Variants in MS4A18 observed in about 807,000 individuals in gnomAD.
MS4A18 encodes the protein membrane spanning 4-domains A18.
Under a neutral mutation model 13.1 loss-of-function variants are expected in MS4A18, and 27 were observed. That is an observed-to-expected ratio of 2.06 (90% CI 1.52 to 2.84). The LOEUF (loss-of-function observed/expected upper bound fraction) is 2.84, where lower values mean the gene tolerates loss of function less well. Ranked by LOEUF, MS4A18 falls within the 30% of genes most tolerant of loss-of-function variation. MS4A18 has a pLI of 0.00. For missense variants in MS4A18, 307 were observed against 196.4 expected (o/e 1.56, Z -3.37); for synonymous variants, 126 against 76.5 (o/e 1.65, Z -3.38).
intron 2 of MS4A18, among the ~76,000 whole-genome samples, chr11:60,735,376 C>T (rs1853319940): frequency 6.7e-6 from 1 of 149,532 alleles, no homozygotes; most frequent in East Asian, 2.0e-4. Flanking sequence ...CTCTGTCGCC[C>T]AGGCTGGAGT....
intron 4 of MS4A18, 69 bp from the exon 6 acceptor site, chr11:60,740,961 C>G: frequency 1.4e-6 from 1 of 700,914 alleles, no homozygotes; most frequent in South Asian, 1.5e-5. Flanking sequence ...TGTGGCACTC[C>G]AAATGTGGAC....
chr11:60,741,275 C>G, intron 5 of MS4A18, 132 bp downstream of exon 6: 1 of 669,092 alleles, frequency 1.5e-6, no homozygotes, highest in Non-Finnish European at 2.7e-6. Flanking sequence ...TGCTGCATAG[C>G]TACCTACCCC....
upstream of MS4A18, among the ~76,000 whole-genome samples, chr11:60,725,620 C>T (rs910455921): frequency 2.6e-5 from 4 of 151,562 alleles, no homozygotes; most frequent in Non-Finnish European, 5.9e-5. Flanking sequence ...AAGGAGTCCT[C>T]TGAAAAAAAG....
exon 1 of MS4A18, chr11:60,729,638 A>C (rs373911879): frequency 4.4e-5 from 31 of 702,666 alleles, no homozygotes; most frequent in African/African-American, 4.2e-4. Context: ...ACGAATCTCC[A>C]GACATGGCCT....
chr11:60,743,071 A>T (rs191151059), intron 5 of MS4A18, among the ~76,000 whole-genome samples: 50 of 152,328 alleles, frequency 3.3e-4, no homozygotes, highest in African/African-American at 1.2e-3. Flanking sequence ...CAGCTTCTCC[A>T]GCGCCACCTG....
intron 3 of MS4A18, 114 bp downstream of exon 4, chr11:60,737,148 A>G (rs77809476): frequency 1.5e-6 from 1 of 670,782 alleles, no homozygotes; most frequent in Non-Finnish European, 2.7e-6. Flanking sequence ...CCCTGGGTAC[A>G]GTGCATTTCC....
chr11:60,739,568 C>T (rs1384376236), intron 4 of MS4A18, among the ~76,000 whole-genome samples: 1 of 152,132 alleles, frequency 6.6e-6, no homozygotes, highest in African/African-American at 2.4e-5. Flanking sequence ...CCTGCCGGGG[C>T]CCTGGTAGCC....
chr11:60,725,446 G>A (rs1201925768), upstream of MS4A18, among the ~76,000 whole-genome samples: 5 of 152,014 alleles, frequency 3.3e-5, no homozygotes, highest in Non-Finnish European at 5.9e-5. Context: ...TGCCCGCCTT[G>A]GCCTCCCAAA....
chr11:60,726,898 G>A (rs911568469), upstream of MS4A18, among the ~76,000 whole-genome samples: 2 of 151,812 alleles, frequency 1.3e-5, no homozygotes, highest in African/African-American at 4.8e-5. Flanking sequence ...ACATGCATTA[G>A]GTATTTGTCC....
rs1242633826 is a variant in MS4A18 at position 60,741,119 on chromosome 11, G to A, written c.834G>A (p.Gln278=). The change falls in exon 5 of 6, where the codon CAG becomes CAA. Residue 278 remains glutamine (Q), a synonymous_variant. Transcript: ENST00000529108. ...GTGTGGTCTCACATTTTGGGTGCCA[G>A]GCTACCTGCTGCAGACAATTTGAGG... The A allele has an allele frequency of 8.5e-6, 6 of 702,924 alleles. No individual in the cohort carries two copies. In the African/African-American group the frequency reaches 8.7e-5, roughly 10 times the overall value. 43.5% of individuals were successfully genotyped at this position (702,924 alleles called of 1,614,324 possible).
intron 5 of MS4A18, among the ~76,000 whole-genome samples, 170 bp downstream of exon 6, chr11:60,741,313 C>G (rs144685625): frequency 2.8e-4 from 42 of 152,282 alleles, no homozygotes; most frequent in Non-Finnish European, 4.6e-4. Context: ...GGTTATTTAG[C>G]TCTTTATTCT....
rs187181751 is a variant in MS4A18, at chr11:60,736,826, A to G, written c.592-152A>G. ...TGGTGCCTAACCATTGGGATAGTAA[A>G]AATGTTGGGAGGAAATAAACAGATT... On this transcript the variant is annotated intron_variant, in intron 2 of 5. Transcript: ENST00000529108. 2.1e-3 allele frequency among the ~76,000 whole-genome samples: 319 copies of G among 152,366 alleles called. 2 individuals are homozygous for G. The highest frequency in any genetic ancestry group is 7.3e-3 in the African/African-American group (305 of 41,598).
At chr11:60,742,384 T>G (rs1468233317) in intron 5 of MS4A18, among the ~76,000 whole-genome samples, 1 of 152,250 alleles carries the variant, frequency 6.6e-6, no homozygotes, top group Non-Finnish European at 1.5e-5. Context: ...ATCCTGTTAC[T>G]AATAAAATTC....
intron 1 of MS4A18, among the ~76,000 whole-genome samples, 185 bp downstream of exon 2, chr11:60,729,971 C>T (rs1015543778): frequency 3.3e-5 from 5 of 152,120 alleles, no homozygotes; most frequent in Non-Finnish European, 2.9e-5. Flanking sequence ...TGTCTTCCTT[C>T]CACTCCCCAA....
At chr11:60,729,643 T>G (rs1435429768) in exon 1 of MS4A18, 4 of 702,692 alleles carry the variant, frequency 5.7e-6, no homozygotes, top group Non-Finnish European at 1.0e-5. Flanking sequence ...TCTCCAGACA[T>G]GGCCTGGAGA....
chr11:60,727,379 G>T (rs572167819), upstream of MS4A18, among the ~76,000 whole-genome samples: 2 of 152,180 alleles, frequency 1.3e-5, no homozygotes, highest in Non-Finnish European at 2.9e-5. Context: ...ACTTGCTCAA[G>T]GTCGTACAAC....
chr11:60,738,167 C>A (rs1746140256), intron 3 of MS4A18, among the ~76,000 whole-genome samples: 1 of 152,242 alleles, frequency 6.6e-6, no homozygotes, highest in South Asian at 2.1e-4. Context: ...TTCTCTTTCA[C>A]CTTTCTCTCT....
chr11:60,738,859 C>T, intron 3 of MS4A18, 43 bp from the exon 5 acceptor site: 2 of 701,318 alleles, frequency 2.9e-6, no homozygotes, highest in East Asian at 5.4e-5. Context: ...GCTTCAGACT[C>T]TTCAGACTCG....
At chr11:60,735,184 A>G (rs922395819) in intron 2 of MS4A18, among the ~76,000 whole-genome samples, 2 of 152,216 alleles carry the variant, frequency 1.3e-5, no homozygotes, top group Non-Finnish European at 2.9e-5. Context: ...AAAATAGTAA[A>G]TTAAATTAAA....
Sources: gnomAD v4.1 joint callset for allele counts (sites outside exome capture counted in the v4.1 genomes callset) on GRCh38, gnomAD v4.1.1 for gene constraint, MANE v1.5 for transcripts, NCBI Gene and HGNC (gene_info 2026-07-23, HGNC 2026-07-21) for gene names.